The following RBM25 variants were observed in gnomAD, a reference collection of about 807,000 sequenced individuals.
The protein encoded by RBM25 is RNA-binding protein 25.
In RBM25, 19 loss-of-function variants were observed where a neutral mutation model predicts 120.7. That is an observed-to-expected ratio of 0.16 (90% CI 0.11 to 0.23). The LOEUF is 0.23. RBM25 is among the 10% of genes least tolerant of loss of function. RBM25 has a pLI of 1.00. For missense variants in RBM25, 605 were observed against 1,041.5 expected, an observed-to-expected ratio of 0.58 and a Z score of 5.77; for synonymous variants, 390 against 326.7, an observed-to-expected ratio of 1.19 and a Z score of -2.09.
At chr14:73,108,638 T>TA (rs1896240628) in intron 13 of RBM25, among the ~76,000 whole-genome samples, 1 of 152,234 alleles carries the variant, frequency 6.6e-6, no homozygotes, top group Non-Finnish European at 1.5e-5. Context: ...AGTGTCTTGA[T>TA]ACTATTTTAT....
chr14:73,080,010 C>T lies in RBM25; in HGVS notation c.324+2474C>T, dbSNP rs116037878. Among the ~76,000 whole-genome samples, 82 of 150,208 alleles carry T rather than the reference C, an allele frequency of 5.5e-4. 2 individuals carry two copies. The highest frequency in any genetic ancestry group is 1.9e-3 in the African/African-American group (79 of 41,294). ...GAAATGTGTTTGCTCCTGTCTGCTT[C>T]TGGAAGTCTCTGTTTTGCTATGTTA... On this transcript the variant is annotated intron_variant, in intron 4 of 18. Coordinates refer to ENST00000261973, the MANE Select transcript of RBM25 (RefSeq NM_021239.3).
At chr14:73,068,080 C>G (rs1249906136) in intron 1 of RBM25, 2 of 584,526 alleles carry the variant, frequency 3.4e-6, no homozygotes, top group East Asian at 7.1e-5. Flanking sequence ...TCACTAAGCA[C>G]ATGAGCTACG....
At chr14:73,109,140 A>G in intron 13 of RBM25, 1 of 426,630 alleles carries the variant, frequency 2.3e-6, no homozygotes, top group Non-Finnish European at 4.2e-6. Flanking sequence ...GAACATAGTG[A>G]TAAATGACAA....
intron 7 of RBM25, 124 bp from the exon 8 acceptor site, chr14:73,099,256 C>G (rs1449010587): frequency 1.2e-6 from 1 of 830,384 alleles, no homozygotes; most frequent in African/African-American, 1.8e-5. Flanking sequence ...AATTTGAAAT[C>G]AAGAAAGCAT....
intron 6 of RBM25, among the ~76,000 whole-genome samples, chr14:73,093,868 C>G (rs1895872472): frequency 6.6e-6 from 1 of 151,354 alleles, no homozygotes; most frequent in African/African-American, 2.4e-5. Flanking sequence ...AGTTGATATT[C>G]CAGAGATAGA....
At chr14:73,067,303 A>G (rs957231441) in intron 1 of RBM25, among the ~76,000 whole-genome samples, 12 of 152,138 alleles carry the variant, frequency 7.9e-5, no homozygotes, top group East Asian at 1.9e-4. Context: ...TTATATGTCT[A>G]TTATCTCCAG....
chr14:73,094,887 C>T (rs374113978), intron 6 of RBM25, among the ~76,000 whole-genome samples: 84 of 148,904 alleles, frequency 5.6e-4, no homozygotes, highest in African/African-American at 1.9e-3. Context: ...GACAGAGTCT[C>T]GCTCTGTCTC....
chr14:73,079,742 G>A (rs993099764), intron 4 of RBM25, among the ~76,000 whole-genome samples: 3 of 150,604 alleles, frequency 2.0e-5, no homozygotes, highest in Admixed American at 6.6e-5. Context: ...GGATCTCCTG[G>A]GCACTCTGTA....
rs186722208 is a variant in RBM25, at chr14:73,112,001, A to G, written c.2293-151A>G. On this transcript the variant is annotated intron_variant, in intron 16 of 18. Transcript: ENST00000261973. ...TTTTTGTGCTACTTGAAGACTTACT[A>G]AAAGCAGATGATTGTATCTTGATAC... 20 of 1,000,914 alleles carry G rather than the reference A, an allele frequency of 2.0e-5. No homozygotes were observed. In the Admixed American group the frequency reaches 5.2e-4, roughly 26 times the overall value. 62.0% of individuals were successfully genotyped at this position (1,000,914 alleles called of 1,614,324 possible). A position where few individuals can be genotyped will look rare whatever the true frequency, so the allele number is the denominator to read the frequency against.
At chr14:73,114,795 T>C (rs914854472) in intron 18 of RBM25, among the ~76,000 whole-genome samples, 1 of 152,258 alleles carries the variant, frequency 6.6e-6, no homozygotes, top group Admixed American at 6.5e-5. Flanking sequence ...TCGGGGAGTC[T>C]GAGGCAGGAG....
In RBM25 at chr14:73,096,947, T is replaced by C. The variant is rs1386457279; in HGVS notation, c.576T>C (p.Asp192=). The change falls in exon 7 of 19, where the codon GAT becomes GAC. Residue 192 remains aspartate (D), a synonymous_variant. Coordinates refer to ENST00000261973, the MANE Select transcript of RBM25 (RefSeq NM_021239.3). ...NARPETVTND[D]EEALDEETKR... ...GGCCAGAAACTGTCACTAATGACGATGAAGAAGCCTTGGATGAAGAAACAA... is the reference window on the plus strand; with the variant it reads ...GGCCAGAAACTGTCACTAATGACGACGAAGAAGCCTTGGATGAAGAAACAA... 1 of 1,613,058 alleles carries C rather than the reference T, an allele frequency of 6.2e-7. No individual in the cohort carries two copies. The highest frequency in any genetic ancestry group is 1.1e-5 in the South Asian group (1 of 90,748).
intron 9 of RBM25, 65 bp downstream of exon 9, chr14:73,099,815 C>T: frequency 6.7e-7 from 1 of 1,497,346 alleles, no homozygotes; most frequent in Non-Finnish European, 8.9e-7. Flanking sequence ...AGCAAAGAGA[C>T]AAAAAAAATC....
intron 1 of RBM25, 192 bp downstream of exon 1, chr14:73,058,897 G>A (rs1406366188): frequency 6.6e-6 from 1 of 152,330 alleles, no homozygotes; most frequent in Non-Finnish European, 1.5e-5. Context: ...GAAAAGCTGT[G>A]GGCCCAGCCG....
intron 6 of RBM25, among the ~76,000 whole-genome samples, chr14:73,092,492 T>G (rs1028875908): frequency 1.3e-5 from 2 of 152,024 alleles, no homozygotes; most frequent in African/African-American, 4.8e-5. Context: ...GTTCCTTATT[T>G]CTCATTGACT....
At position 73,109,403 on chromosome 14, in the gene RBM25, G is replaced by A; in HGVS notation, c.1603G>A (p.Asp535Asn). 1.2e-6 allele frequency: 2 copies of A among 1,614,206 alleles called. No homozygotes were observed. The highest frequency in any genetic ancestry group is 1.7e-6 in the Non-Finnish European group (2 of 1,180,018). ...REKEMEADER[D>N]RKREKEELEE... ...AAAGGAAATGGAAGCAGATGAACGA[G>A]ATAGGAAGAGAGAGAAGGAGGAGCT... Residue 535 changes from aspartate to asparagine, a missense_variant, in exon 14 of 19, where the codon GAT becomes AAT. By Grantham distance (23) the Asp-to-Asn change is conservative. This residue lies in a region of RBM25 where 465 missense variants were observed against 741.6 expected (regional missense o/e 0.63). Transcript: ENST00000261973.
intron 17 of RBM25, among the ~76,000 whole-genome samples, chr14:73,113,459 A>G (rs1233046920): frequency 2.6e-5 from 4 of 151,490 alleles, no homozygotes; most frequent in Non-Finnish European, 5.9e-5. Flanking sequence ...TGGGAGGCCA[A>G]TGGGGCAGAA....
intron 18 of RBM25, among the ~76,000 whole-genome samples, chr14:73,114,946 C>A (rs943299524): frequency 2.0e-5 from 3 of 152,126 alleles, no homozygotes; most frequent in Non-Finnish European, 4.4e-5. Context: ...TCATGTTTTC[C>A]CTATGCCCAG....
intron 5 of RBM25, among the ~76,000 whole-genome samples, chr14:73,084,098 A>G (rs535819886): frequency 2.6e-5 from 4 of 151,988 alleles, no homozygotes; most frequent in African/African-American, 4.8e-5. Flanking sequence ...GGGTTTCACC[A>G]TGTTGGCCAG....
At chr14:73,077,669 A>C (rs976524566) in intron 4 of RBM25, 133 bp downstream of exon 4, 6 of 747,500 alleles carry the variant, frequency 8.0e-6, no homozygotes, top group Non-Finnish European at 1.3e-5. Flanking sequence ...GTGAAAAAGT[A>C]CAGTGAACAC....
Sources: allele counts gnomAD v4.1 joint callset (sites outside exome capture counted in the v4.1 genomes callset), GRCh38; gene constraint gnomAD v4.1.1; regional missense constraint gnomAD v4.1.1; transcripts MANE v1.5; gene names NCBI Gene and HGNC (gene_info 2026-07-23, HGNC 2026-07-21).